The following NNMT variants were observed in gnomAD, a reference collection of about 807,000 sequenced individuals.
The protein encoded by NNMT is nicotinamide N-methyltransferase.
Under a neutral mutation model 11.7 loss-of-function variants are expected in NNMT, and 10 were observed. The observed-to-expected ratio is 0.85, with a 90% CI of 0.53 to 1.45. The LOEUF (loss-of-function observed/expected upper bound fraction) is 1.45, where lower values mean the gene tolerates loss of function less well. Ranked by LOEUF, NNMT falls within the 40% of genes most tolerant of loss-of-function variation. The pLI is 0.00. For synonymous variants in NNMT, 143 were observed against 133.8 expected (o/e 1.07, Z -0.48); for missense variants, 381 against 319.4 (o/e 1.19, Z -1.47).
In NNMT at chr11:114,303,738, A is replaced by G. The variant is rs138468703; in HGVS notation, c.362+5580A>G. On this transcript the variant is annotated intron_variant, in intron 2 of 2. Coordinates refer to ENST00000299964, the MANE Select transcript of NNMT (RefSeq NM_006169.3). ...AGAGAGGCTATTCTATTTTTTTTAG[A>G]CAGGGTCTTGCTCTGTCACCCACAC... Among the ~76,000 whole-genome samples the G allele has an allele frequency of 2.2e-4, 34 of 152,200 alleles. No homozygotes were observed. In the East Asian group the frequency reaches 6.5e-3, roughly 29 times the overall value.
chr11:114,294,337 G>A (rs537079116), upstream of NNMT, among the ~76,000 whole-genome samples: 1 of 152,138 alleles, frequency 6.6e-6, no homozygotes, highest in East Asian at 1.9e-4. Context: ...AATTAGCTGG[G>A]CGTGATGGTG....
chr11:114,309,448 G>T (rs1591840537), intron 2 of NNMT, among the ~76,000 whole-genome samples: 1 of 152,264 alleles, frequency 6.6e-6, no homozygotes, highest in South Asian at 2.1e-4. Context: ...GGACAAAGTG[G>T]TCACCCTGCT....
intron 2 of NNMT, among the ~76,000 whole-genome samples, chr11:114,276,553 T>C (rs1197905738): frequency 6.6e-6 from 1 of 152,110 alleles, no homozygotes; most frequent in East Asian, 1.9e-4. Flanking sequence ...GCCAGGTAAA[T>C]AGGAATGTTG....
At chr11:114,279,584 G>A (rs1020658882) in intron 2 of NNMT, among the ~76,000 whole-genome samples, 3 of 152,220 alleles carry the variant, frequency 2.0e-5, no homozygotes, top group African/African-American at 7.2e-5. Context: ...GGGAGTTTAG[G>A]AAGATGCTGG....
intron 2 of NNMT, among the ~76,000 whole-genome samples, chr11:114,276,834 G>A (rs898500087): frequency 1.3e-5 from 2 of 152,196 alleles, no homozygotes; most frequent in Admixed American, 6.5e-5. Context: ...TCCGCATCAG[G>A]AGACATGGCT....
chr11:114,280,338 C>A (rs777638262), intron 2 of NNMT, among the ~76,000 whole-genome samples: 1 of 152,048 alleles, frequency 6.6e-6, no homozygotes. Context: ...TGGGCTCACA[C>A]AGCCAGATGG....
intron 2 of NNMT, 170 bp downstream of exon 2, chr11:114,298,328 T>C (rs951963815): frequency 1.2e-5 from 7 of 605,886 alleles, no homozygotes; most frequent in Non-Finnish European, 2.0e-5. Flanking sequence ...GTTAGTAAAT[T>C]TGTGTATGTG....
upstream of NNMT, among the ~76,000 whole-genome samples, chr11:114,292,348 T>C (rs1215107657): frequency 2.0e-5 from 3 of 152,224 alleles, no homozygotes; most frequent in Non-Finnish European, 4.4e-5. Flanking sequence ...CCAGCAAACA[T>C]AAGCAATGAT....
At chr11:114,280,136 GGCCCT>G (rs572052588) in intron 2 of NNMT, among the ~76,000 whole-genome samples, 124 of 152,230 alleles carry the variant, frequency 8.1e-4, no homozygotes, top group African/African-American at 2.9e-3. Flanking sequence ...AGACAGGGAG[GGCCCT>G]GCTCTCATTC....
At chr11:114,302,261 GA>G (rs1945445864) in intron 2 of NNMT, among the ~76,000 whole-genome samples, 1 of 152,096 alleles carries the variant, frequency 6.6e-6, no homozygotes, top group African/African-American at 2.4e-5. Flanking sequence ...TTCCCTTGGT[GA>G]ATGCAGTAAT....
chr11:114,290,946 T>A (rs1041054641), intron 2 of NNMT, among the ~76,000 whole-genome samples: 2 of 152,210 alleles, frequency 1.3e-5, no homozygotes, highest in Non-Finnish European at 2.9e-5. Context: ...ATCACTTGTG[T>A]TTTTTCTCTA....
intron 2 of NNMT, among the ~76,000 whole-genome samples, chr11:114,264,785 A>G (rs1945107947): frequency 6.6e-6 from 1 of 152,224 alleles, no homozygotes; most frequent in Admixed American, 6.5e-5. Context: ...GAACTTAGGG[A>G]AACATCTACA....
At chr11:114,283,185 G>A (rs1308510129) in intron 2 of NNMT, among the ~76,000 whole-genome samples, 1 of 152,130 alleles carries the variant, frequency 6.6e-6, no homozygotes, top group Non-Finnish European at 1.5e-5. Flanking sequence ...CCCCCCATAG[G>A]AATTCTCACA....
intron 2 of NNMT, among the ~76,000 whole-genome samples, chr11:114,280,978 C>T (rs1467269616): frequency 1.3e-5 from 2 of 152,174 alleles, no homozygotes; most frequent in African/African-American, 4.8e-5. Flanking sequence ...TCCACCCGGC[C>T]ATGTATTCTA....
At chr11:114,298,720 A>G (rs1309623565) in intron 2 of NNMT, among the ~76,000 whole-genome samples, 1 of 152,220 alleles carries the variant, frequency 6.6e-6, no homozygotes, top group African/African-American at 2.4e-5. Flanking sequence ...CCATCCATGA[A>G]AGTAGACTTT....
intron 2 of NNMT, among the ~76,000 whole-genome samples, chr11:114,282,441 G>A (rs1371908853): frequency 2.0e-5 from 3 of 152,066 alleles, no homozygotes; most frequent in Non-Finnish European, 2.9e-5. Flanking sequence ...AAGACAAAAA[G>A]GAGCAAGAAT....
At chr11:114,303,355 T>C (rs1945457634) in intron 2 of NNMT, among the ~76,000 whole-genome samples, 1 of 152,230 alleles carries the variant, frequency 6.6e-6, no homozygotes, top group Non-Finnish European at 1.5e-5. Context: ...CTCTTACCAG[T>C]ATTTATTATT....
intron 2 of NNMT, among the ~76,000 whole-genome samples, chr11:114,274,613 A>G (rs1340142132): frequency 6.6e-6 from 1 of 152,212 alleles, no homozygotes; most frequent in African/African-American, 2.4e-5. Flanking sequence ...AGACTAAGAA[A>G]GAAGGATGTC....
chr11:114,287,810 T>C (rs1006591590), intron 2 of NNMT, among the ~76,000 whole-genome samples: 4 of 152,232 alleles, frequency 2.6e-5, no homozygotes, highest in African/African-American at 7.2e-5. Flanking sequence ...TTACTGAGTC[T>C]ATAAATCAAT....
Sources: allele counts gnomAD v4.1 joint callset (sites outside exome capture counted in the v4.1 genomes callset), GRCh38; gene constraint gnomAD v4.1.1; transcripts MANE v1.5; gene names NCBI Gene and HGNC (gene_info 2026-07-23, HGNC 2026-07-21).